PDE9A: variants seen among roughly 807,000 people sequenced by gnomAD.
The protein encoded by PDE9A is high affinity cGMP-specific 3',5'-cyclic phosphodiesterase 9A.
A neutral mutation model predicts 87.4 loss-of-function variants in PDE9A; 60 were observed. The ratio of observed to expected loss-of-function variants is 0.69; its 90% CI spans 0.56 to 0.85. The LOEUF (loss-of-function observed/expected upper bound fraction) is 0.85. Among genes scored for constraint, PDE9A ranks in the 40% least tolerant of loss-of-function variants. The pLI is 0.00. For synonymous variants in PDE9A, 272 were observed against 279.4 expected (o/e 0.97, Z 0.27); for missense variants, 665 against 779.0 (o/e 0.85, Z 1.74).
intron 4 of PDE9A, among the ~76,000 whole-genome samples, chr21:42,716,144 T>A (rs1027576468): frequency 5.9e-5 from 9 of 151,906 alleles, no homozygotes; most frequent in African/African-American, 2.2e-4. Flanking sequence ...TTGAAGAGCA[T>A]CTTGGTTGCT....
chr21:42,737,490 T>A (rs183114472), intron 7 of PDE9A, among the ~76,000 whole-genome samples: 4 of 152,350 alleles, frequency 2.6e-5, no homozygotes, highest in Admixed American at 6.5e-5. Flanking sequence ...GACGGAGTTT[T>A]GCTCTTTGGC....
intron 4 of PDE9A, among the ~76,000 whole-genome samples, chr21:42,700,300 T>A (rs2048278964): frequency 6.6e-6 from 1 of 151,384 alleles, no homozygotes; most frequent in Admixed American, 6.6e-5. Flanking sequence ...CTTTTAAGAA[T>A]AAGGCTGCTG....
chr21:42,719,297 G>C (rs1310398556), intron 4 of PDE9A, among the ~76,000 whole-genome samples: 1 of 151,610 alleles, frequency 6.6e-6, no homozygotes, highest in Non-Finnish European at 1.5e-5. Context: ...TTAAGTTTTA[G>C]CCATCTACAT....
intron 3 of PDE9A, among the ~76,000 whole-genome samples, chr21:42,697,667 C>T (rs1402015756): frequency 6.6e-6 from 1 of 152,210 alleles, no homozygotes; most frequent in African/African-American, 2.4e-5. Flanking sequence ...GGCTTGCATA[C>T]AGCTGCCTTC....
At chr21:42,674,316 C>CTTTTTTTTTTTTTTTTTTTTTT (rs34238765) in intron 1 of PDE9A, among the ~76,000 whole-genome samples, 3 of 134,608 alleles carry the variant, frequency 2.2e-5, no homozygotes, top group Non-Finnish European at 4.7e-5. Flanking sequence ...TTTAGACATT[C>CTTTTTTTTTTTTTTTTTTTTTT]TTTTTTTTTT....
At chr21:42,748,944 C>T (rs552583136) in intron 8 of PDE9A, among the ~76,000 whole-genome samples, 7 of 152,308 alleles carry the variant, frequency 4.6e-5, no homozygotes, top group African/African-American at 1.7e-4. Context: ...AGTTTCCTCA[C>T]TTGGCATAAT....
At chr21:42,709,567 C>A (rs527351326) in intron 4 of PDE9A, among the ~76,000 whole-genome samples, 1 of 152,354 alleles carries the variant, frequency 6.6e-6, no homozygotes, top group South Asian at 2.1e-4. Flanking sequence ...TCAAGGCAGT[C>A]CTCACTGTGG....
intron 9 of PDE9A, among the ~76,000 whole-genome samples, chr21:42,752,502 C>T (rs1047159438): frequency 2.6e-5 from 4 of 152,212 alleles, no homozygotes. Flanking sequence ...CTCCTGACCT[C>T]AGGTGATCCA....
chr21:42,747,698 G>A (rs1382750060), intron 8 of PDE9A, among the ~76,000 whole-genome samples: 3 of 152,198 alleles, frequency 2.0e-5, no homozygotes, highest in African/African-American at 4.8e-5. Flanking sequence ...TACCCCAGGG[G>A]CCACGGCCAC....
intron 14 of PDE9A, among the ~76,000 whole-genome samples, chr21:42,763,962 C>T (rs1003225945): frequency 5.9e-5 from 9 of 152,234 alleles, no homozygotes; most frequent in Admixed American, 4.6e-4. Flanking sequence ...TGAGGCATCA[C>T]GGCCTCTTGC....
At chr21:42,669,200 C>A (rs2058242123) in intron 1 of PDE9A, among the ~76,000 whole-genome samples, 1 of 152,140 alleles carries the variant, frequency 6.6e-6, no homozygotes. Flanking sequence ...AAATCTGAAT[C>A]GCTGGGCTGA....
intron 4 of PDE9A, chr21:42,701,222 CA>C (rs1035815665): frequency 4.6e-5 from 7 of 150,954 alleles, no homozygotes; most frequent in African/African-American, 1.7e-4. Flanking sequence ...AATGGTACTG[CA>C]AATGGACTTT....
At chr21:42,653,977 G>A in intron 1 of PDE9A, 94 bp downstream of exon 1, 2 of 678,382 alleles carry the variant, frequency 2.9e-6, no homozygotes, top group Non-Finnish European at 4.9e-6. Flanking sequence ...GCGTCTGCCG[G>A]TCCAGGCTGC....
rs753808744 is a variant in PDE9A, at chr21:42,731,751, T to C, written c.263-19T>C. ...AAACTTCCCATATTTGGAAACCCAG[T>C]CCTGCCTGCTTTTTATAGCTGGTGT... On this transcript the variant is annotated intron_variant, in intron 4 of 19. Coordinates refer to ENST00000291539, the MANE Select transcript of PDE9A (RefSeq NM_002606.3). The C allele has an allele frequency of 1.1e-5, 17 of 1,606,226 alleles. No homozygotes were observed. Among genetic ancestry groups the C allele is most frequent in the Non-Finnish European group, 1.4e-5 (16 of 1,176,576 alleles).
intron 3 of PDE9A, among the ~76,000 whole-genome samples, chr21:42,690,313 T>C (rs1384201403): frequency 1.3e-5 from 2 of 152,080 alleles, no homozygotes; most frequent in African/African-American, 4.8e-5. Context: ...AGGATATAGA[T>C]AGATGCATAG....
chr21:42,742,078 G>C (rs1244149189), intron 7 of PDE9A, among the ~76,000 whole-genome samples: 1 of 152,216 alleles, frequency 6.6e-6, no homozygotes, highest in Non-Finnish European at 1.5e-5. Context: ...TAAACGTGCA[G>C]TCAGCCAAGG....
At position 42,696,826 on chromosome 21, in the gene PDE9A, T is replaced by C. The variant is rs1183779305; in HGVS notation, c.219-2142T>C. 6.6e-6 allele frequency among the ~76,000 whole-genome samples: 1 copy of C among 152,160 alleles called. No homozygotes were observed. Among genetic ancestry groups the C allele is most frequent in the Non-Finnish European group, 1.5e-5 (1 of 68,022 alleles). On this transcript the variant is annotated intron_variant, in intron 3 of 19. Transcript: ENST00000291539. The surrounding 1 kb of genome is among the most constrained non-coding windows in gnomAD (Gnocchi z 5.1). ...GCTGGGCACTGTGGACTTGCCCAGC[T>C]GAGCACAGGCATCAGGGGCTAGAGG...
chr21:42,676,010 G>A (rs2058826604), intron 1 of PDE9A, among the ~76,000 whole-genome samples: 1 of 152,162 alleles, frequency 6.6e-6, no homozygotes, highest in South Asian at 2.1e-4. Context: ...AGATCTGGTT[G>A]TTTATGTGTG....
At position 42,770,778 on chromosome 21, in the gene PDE9A, A is replaced by G. The variant is rs766678364; in HGVS notation, c.1666A>G (p.Ile556Val). 1.2e-6 allele frequency: 2 copies of G among 1,613,858 alleles called. No individual in the cohort carries two copies. The highest frequency in any genetic ancestry group is 1.1e-5 in the South Asian group (1 of 91,076). The change falls in exon 18 of 20, where the codon ATA (isoleucine) becomes GTA (valine). Residue 556 changes from isoleucine to valine, a missense_variant. By Grantham distance (29) the Ile-to-Val change is conservative. Coordinates refer to ENST00000291539, the MANE Select transcript of PDE9A (RefSeq NM_002606.3). The stretch of plus-strand genomic sequence containing the variant: ...AGATCGCTACGAGGAGCTGAAGCGG[A>G]TAGATGACGCCATGAAAGAGGTAAA... ...SRDRYEELKR[I>V]DDAMKELQKK...
Sources: gnomAD v4.1 joint callset for allele counts (sites outside exome capture counted in the v4.1 genomes callset) on GRCh38, gnomAD v4.1.1 for gene constraint, Gnocchi (gnomAD v3.1) non-coding constraint, MANE v1.5 for transcripts, NCBI Gene and HGNC (gene_info 2026-07-23, HGNC 2026-07-21) for gene names.